The following CELF5 variants were observed in gnomAD, a reference collection of about 807,000 sequenced individuals.
CELF5 encodes the protein CUG-BP and ETR-3 like factor 5.
In CELF5, 6 loss-of-function variants were observed where a neutral mutation model predicts 54.9. The ratio of observed to expected loss-of-function variants is 0.11; its 90% CI spans 0.06 to 0.22. CELF5 has a LOEUF of 0.22. Ranked by LOEUF, CELF5 falls within the 10% of genes least tolerant of loss-of-function variation. CELF5 has a pLI of 1.00. For synonymous variants in CELF5, 271 were observed against 290.9 expected (o/e 0.93, Z 0.70); for missense variants, 401 against 678.6 (o/e 0.59, Z 4.54).
intron 9 of CELF5, 23 bp from the exon 10 acceptor site, chr19:3,285,919 G>A (rs779970543): frequency 2.6e-6 from 4 of 1,533,816 alleles, no homozygotes; most frequent in East Asian, 2.6e-5. Flanking sequence ...TCCTCGCCCT[G>A]TGTCTCGCTC....
intron 10 of CELF5, among the ~76,000 whole-genome samples, chr19:3,287,468 A>T (rs978072354): frequency 1.3e-5 from 2 of 150,790 alleles, no homozygotes; most frequent in African/African-American, 2.4e-5. Context: ...GCTGAGGCAG[A>T]AGAATCTCTT....
intron 10 of CELF5, chr19:3,286,286 C>A (rs142621321): frequency 1.8e-4 from 79 of 428,502 alleles, no homozygotes; most frequent in South Asian, 1.2e-3. Context: ...CTCTCCAGAA[C>A]CAAGAGTGAT....
chr19:3,246,195 C>T (rs1257040097), intron 1 of CELF5, among the ~76,000 whole-genome samples: 2 of 152,086 alleles, frequency 1.3e-5, no homozygotes, highest in African/African-American at 4.8e-5. Context: ...GAAACCCTGT[C>T]TCTATTAAAA....
Position 3,285,978 on chromosome 19 carries a change from A to G in CELF5, c.1139A>G (p.His380Arg). 6.3e-7 allele frequency: 1 copy of G among 1,584,844 alleles called. No individual in the cohort carries two copies. The highest frequency in any genetic ancestry group is 8.5e-7 in the Non-Finnish European group (1 of 1,172,480). Residue 380 changes from histidine (H) to arginine (R), a missense_variant, in exon 10 of 13, where the codon CAC becomes CGC. Physicochemically the swap from His to Arg is conservative, Grantham distance 29 (BLOSUM62 0). Transcript: ENST00000292672. The stretch of plus-strand genomic sequence containing the variant: ...ACCGCGGCCATCACGCCCATCGCGC[A>G]CAGCGTCCCCCAGCCGCCGCCCCTC... ...YPTAAITPIAHSVPQPPPLLQ... is the reference protein window; with the variant it reads ...YPTAAITPIARSVPQPPPLLQ...
At position 3,252,273 on chromosome 19, in the gene CELF5, G is replaced by T. The variant is rs867360424; in HGVS notation, c.342+1206G>T. ...CTGATCCTGAACTCCTGGCTCAAGCGTTCCTCCTGCTTCGGCCTCCCAAAG... is the reference window on the plus strand; with the variant it reads ...CTGATCCTGAACTCCTGGCTCAAGCTTTCCTCCTGCTTCGGCCTCCCAAAG... On this transcript the variant is annotated intron_variant, in intron 2 of 12. Transcript: ENST00000292672. Among the ~76,000 whole-genome samples, 4 of 152,098 alleles carry T rather than the reference G, an allele frequency of 2.6e-5. No individual in the cohort carries two copies. The East Asian group carries it at 7.7e-4, about 29-fold the overall frequency.
intron 4 of CELF5, among the ~76,000 whole-genome samples, chr19:3,277,608 C>G (rs1481171064): frequency 6.6e-6 from 1 of 152,148 alleles, no homozygotes; most frequent in East Asian, 1.9e-4. Flanking sequence ...CATTCCACCC[C>G]CTCCCTCCAC....
At chr19:3,270,979 C>CCCCTCCCT (rs1433541044) in intron 2 of CELF5, among the ~76,000 whole-genome samples, 3 of 151,418 alleles carry the variant, frequency 2.0e-5, no homozygotes, top group Non-Finnish European at 3.0e-5. Context: ...CCCGCGGCCG[C>CCCCTCCCT]CCCTCCCTCC....
At chr19:3,289,928 G>T (rs2080315478) in intron 10 of CELF5, among the ~76,000 whole-genome samples, 1 of 152,106 alleles carries the variant, frequency 6.6e-6, no homozygotes. Context: ...TGGGGTCAGA[G>T]ATTGAGGGTT....
intron 1 of CELF5, among the ~76,000 whole-genome samples, chr19:3,248,878 C>T (rs886497365): frequency 6.3e-5 from 8 of 127,900 alleles, no homozygotes; most frequent in Non-Finnish European, 1.3e-4. Context: ...TCCTTCCTTC[C>T]TTCCTTCCTT....
intron 2 of CELF5, among the ~76,000 whole-genome samples, chr19:3,252,842 C>T (rs2079669807): frequency 6.6e-6 from 1 of 152,048 alleles, no homozygotes; most frequent in Non-Finnish European, 1.5e-5. Flanking sequence ...GACTTAACCT[C>T]TCTGATCTTC....
At position 3,282,056 on chromosome 19, in the gene CELF5, C is replaced by A. The variant is rs1416139781; in HGVS notation, c.751-70C>A. 1.2e-5 allele frequency: 19 copies of A among 1,576,904 alleles called. No homozygotes were observed. The highest frequency in any genetic ancestry group is 1.7e-5 in the Non-Finnish European group (19 of 1,150,776). The stretch of plus-strand genomic sequence containing the variant: ...ACCTCCTCACTAGTAACTGGGGTAC[C>A]AAGCCTCCCCTCATAAGCCATGATC... On this transcript the variant is annotated intron_variant, in intron 6 of 12. Coordinates refer to ENST00000292672, the MANE Select transcript of CELF5 (RefSeq NM_021938.4). The surrounding 1 kb of genome is among the most constrained non-coding windows in gnomAD (Gnocchi z 5.2).
At chr19:3,249,812 C>T (rs2079623310) in intron 1 of CELF5, among the ~76,000 whole-genome samples, 1 of 152,222 alleles carries the variant, frequency 6.6e-6, no homozygotes, top group Non-Finnish European at 1.5e-5. Context: ...GGCTACACTG[C>T]TGGTCAGTGG....
Position 3,228,865 on chromosome 19 carries a change from G to A in CELF5, c.259+3867G>A, listed in dbSNP as rs1441542403. The stretch of plus-strand genomic sequence containing the variant: ...GCAGGGGGCTGGGGGTGGCTGGCAG[G>A]GTTGGCCGGCGTGTGTGTGTGTGTG... On this transcript the variant is annotated intron_variant, in intron 1 of 12. Transcript: ENST00000292672. This position sits in a 1 kb window ranked among gnomAD's most constrained non-coding sequence, Gnocchi z 6.0. Among the ~76,000 whole-genome samples, 1 of 149,642 alleles carries A rather than the reference G, an allele frequency of 6.7e-6. No homozygotes were observed. The highest frequency in any genetic ancestry group is 2.5e-5 in the African/African-American group (1 of 40,496).
intron 11 of CELF5, among the ~76,000 whole-genome samples, chr19:3,291,282 A>G (rs1393017732): frequency 6.6e-6 from 1 of 150,522 alleles, no homozygotes; most frequent in Non-Finnish European, 1.5e-5. Context: ...AAAAACAAAA[A>G]TGGCCAGGCG....
chr19:3,227,623 G>C (rs1205239800), intron 1 of CELF5, among the ~76,000 whole-genome samples: 1 of 152,050 alleles, frequency 6.6e-6, no homozygotes, highest in East Asian at 1.9e-4. Flanking sequence ...GGGGTCAGCT[G>C]GTACCACCTC....
chr19:3,271,931 A>G (rs2079971915), intron 2 of CELF5, among the ~76,000 whole-genome samples: 1 of 152,190 alleles, frequency 6.6e-6, no homozygotes, highest in Non-Finnish European at 1.5e-5. Context: ...TCTGGAGTCC[A>G]GAAACTCTTC....
intron 2 of CELF5, among the ~76,000 whole-genome samples, chr19:3,255,923 G>T (rs1009393871): frequency 6.6e-6 from 1 of 151,956 alleles, no homozygotes; most frequent in Admixed American, 6.6e-5. Flanking sequence ...AAATTAGCTG[G>T]GCGTGGTGGC....
At chr19:3,249,521 A>G (rs1599413350) in intron 1 of CELF5, among the ~76,000 whole-genome samples, 1 of 149,874 alleles carries the variant, frequency 6.7e-6, no homozygotes, top group Non-Finnish European at 1.5e-5. Flanking sequence ...CCGATCCCTA[A>G]TGTTGCCCAA....
intron 1 of CELF5, among the ~76,000 whole-genome samples, chr19:3,240,009 C>CTT (rs61659054): frequency 3.5e-5 from 5 of 143,654 alleles, no homozygotes; most frequent in Non-Finnish European, 6.1e-5. Flanking sequence ...CTGCAACACA[C>CTT]TTTTTTTTTT....
Sources: allele counts gnomAD v4.1 joint callset (sites outside exome capture counted in the v4.1 genomes callset), GRCh38; gene constraint gnomAD v4.1.1; non-coding constraint Gnocchi (gnomAD v3.1); transcripts MANE v1.5; gene names NCBI Gene and HGNC (gene_info 2026-07-23, HGNC 2026-07-21).